The following IQSEC1 variants were observed in gnomAD, a reference collection of about 807,000 sequenced individuals.
IQSEC1 encodes the protein IQ motif and Sec7 domain ArfGEF 1.
In IQSEC1, 31 loss-of-function variants were observed where a neutral mutation model predicts 91.0. That is an observed-to-expected ratio of 0.34 (90% confidence interval 0.26 to 0.46). The LOEUF (loss-of-function observed/expected upper bound fraction) is 0.46. IQSEC1 is among the 20% of genes least tolerant of loss of function. The probability of loss-of-function intolerance (pLI) is 1.00; values close to 1 mark genes in which losing one functional copy is unlikely to be tolerated. For missense variants in IQSEC1, 1,388 were observed against 1,575.6 expected (o/e 0.88, Z 2.02); for synonymous variants, 699 against 662.6 (o/e 1.05, Z -0.84).
intron 1 of IQSEC1, among the ~76,000 whole-genome samples, chr3:13,045,004 T>C (rs1704441683): frequency 6.6e-6 from 1 of 152,230 alleles, no homozygotes; most frequent in South Asian, 2.1e-4. Flanking sequence ...GGAACATTGA[T>C]CCTGGCCCTG....
chr3:13,091,499 T>C (rs1360836083), intron 2 of IQSEC1, among the ~76,000 whole-genome samples: 1 of 152,188 alleles, frequency 6.6e-6, no homozygotes. Flanking sequence ...CCATGCATCT[T>C]TTCTCCCATC....
intron 12 of IQSEC1, among the ~76,000 whole-genome samples, chr3:12,903,296 C>A (rs1346576362): frequency 6.6e-6 from 1 of 152,122 alleles, no homozygotes; most frequent in African/African-American, 2.4e-5. Context: ...TCCGCACACA[C>A]ACATATATGC....
At chr3:12,947,176 C>T (rs1469822263) in intron 1 of IQSEC1, among the ~76,000 whole-genome samples, 1 of 152,292 alleles carries the variant, frequency 6.6e-6, no homozygotes, top group South Asian at 2.1e-4. Flanking sequence ...GCTGACAAGC[C>T]GAGGCTAGAG....
intron 1 of IQSEC1, among the ~76,000 whole-genome samples, chr3:13,205,043 C>T (rs1474246915): frequency 6.6e-6 from 1 of 151,896 alleles, no homozygotes; most frequent in African/African-American, 2.4e-5. Flanking sequence ...GGTGATCCGC[C>T]CTCCTCGACC....
intron 1 of IQSEC1, among the ~76,000 whole-genome samples, chr3:12,955,344 G>A (rs547017859): frequency 9.4e-4 from 143 of 152,358 alleles, no homozygotes; most frequent in African/African-American, 3.2e-3. Flanking sequence ...GGGCTGGGCC[G>A]GGCATTGGCG....
At chr3:13,252,531 C>A (rs1050709085) in intron 1 of IQSEC1, among the ~76,000 whole-genome samples, 1 of 152,166 alleles carries the variant, frequency 6.6e-6, no homozygotes, top group Non-Finnish European at 1.5e-5. Flanking sequence ...CTTCGACGCC[C>A]CGCGTTCAAT....
chr3:13,277,878 G>A (rs1313745423), intron 1 of IQSEC1, among the ~76,000 whole-genome samples: 3 of 151,860 alleles, frequency 2.0e-5, no homozygotes, highest in Non-Finnish European at 2.9e-5. Flanking sequence ...TCAGCCCCCC[G>A]CCCCTGGCCC....
intron 1 of IQSEC1, among the ~76,000 whole-genome samples, chr3:13,044,650 C>A (rs543715386): frequency 6.6e-6 from 1 of 152,214 alleles, no homozygotes; most frequent in Non-Finnish European, 1.5e-5. Flanking sequence ...GTAGCACAGG[C>A]GGGGCCAGCA....
chr3:13,083,837 C>T (rs1208844365), intron 2 of IQSEC1, among the ~76,000 whole-genome samples: 3 of 152,268 alleles, frequency 2.0e-5, no homozygotes, highest in Admixed American at 6.5e-5. Context: ...GCACCTTGTG[C>T]GCAGCCTGGC....
chr3:12,976,336 G>A (rs1701171400), intron 1 of IQSEC1, among the ~76,000 whole-genome samples: 1 of 152,232 alleles, frequency 6.6e-6, no homozygotes, highest in African/African-American at 2.4e-5. Flanking sequence ...GGGTCACAGT[G>A]GGGAAGCGGT....
rs1425184564 is a variant in IQSEC1, at chr3:12,967,257, C to A, written c.24-25392G>T. The A allele has an allele frequency of 3.3e-5, 24 of 724,530 alleles. No individual in the cohort carries two copies. Among genetic ancestry groups the A allele is most frequent in the Non-Finnish European group, 5.1e-5 (24 of 468,858 alleles). The allele number at this position is 724,530 out of a possible 1,614,324, so 44.9% of individuals were successfully genotyped here. On this transcript the variant is annotated intron_variant, in intron 1 of 13. Transcript: ENST00000613206. The surrounding 1 kb of genome is among the most constrained non-coding windows in gnomAD (Gnocchi z 5.9). The stretch of plus-strand genomic sequence containing the variant: ...TGGCGGACGCACCCCGCCCCGCAGG[C>A]AGCTTTCTCTCGCACGCCGGGCGCC...
chr3:13,249,570 T>G (rs182652498), intron 1 of IQSEC1, among the ~76,000 whole-genome samples: 1 of 152,284 alleles, frequency 6.6e-6, no homozygotes, highest in Non-Finnish European at 1.5e-5. Flanking sequence ...TTCCCTTACT[T>G]CAGTCACATT....
chr3:12,925,906 CG>C (rs1293961686), intron 3 of IQSEC1, among the ~76,000 whole-genome samples: 1 of 152,234 alleles, frequency 6.6e-6, no homozygotes, highest in Non-Finnish European at 1.5e-5. Context: ...TGTGGCACTC[CG>C]GCCGTGTGAG....
At chr3:13,053,041 G>A (rs993425413) in intron 1 of IQSEC1, 13 of 1,116,782 alleles carry the variant, frequency 1.2e-5, no homozygotes, top group Middle Eastern at 2.7e-4. Flanking sequence ...GTTTTCATCC[G>A]AATCCACGGG....
chr3:13,081,804 C>T (rs967111817), intron 2 of IQSEC1, among the ~76,000 whole-genome samples: 1 of 152,188 alleles, frequency 6.6e-6, no homozygotes, highest in Non-Finnish European at 1.5e-5. Context: ...GGCGGGTCTT[C>T]GCTCCTCTCT....
intron 1 of IQSEC1, among the ~76,000 whole-genome samples, chr3:13,224,665 A>C (rs896427963): frequency 1.3e-5 from 2 of 151,986 alleles, no homozygotes; most frequent in African/African-American, 4.8e-5. Flanking sequence ...AGATGGACCC[A>C]GGACGGGAGC....
chr3:13,130,700 G>C (rs1443116968), intron 2 of IQSEC1, among the ~76,000 whole-genome samples: 2 of 152,242 alleles, frequency 1.3e-5, no homozygotes, highest in East Asian at 1.9e-4. Flanking sequence ...ACTTTGGGAG[G>C]CTGAGGCAGG....
At chr3:13,109,348 A>G (rs1392448785) in intron 2 of IQSEC1, among the ~76,000 whole-genome samples, 1 of 152,074 alleles carries the variant, frequency 6.6e-6, no homozygotes, top group Non-Finnish European at 1.5e-5. Context: ...TACAAATACC[A>G]GCCAATCTGG....
chr3:12,999,228 C>A (rs1180388413), intron 1 of IQSEC1, among the ~76,000 whole-genome samples: 1 of 152,096 alleles, frequency 6.6e-6, no homozygotes, highest in Admixed American at 6.5e-5. Context: ...TACTAAGACT[C>A]CTTACAACTC....
Sources: allele counts gnomAD v4.1 joint callset (sites outside exome capture counted in the v4.1 genomes callset), GRCh38; gene constraint gnomAD v4.1.1; non-coding constraint Gnocchi (gnomAD v3.1); transcripts MANE v1.5; gene names NCBI Gene and HGNC (gene_info 2026-07-23, HGNC 2026-07-21).